Variants in KCNH8 observed in about 807,000 individuals in gnomAD.
KCNH8 encodes the protein potassium voltage-gated channel subfamily H member 8, also known as voltage-gated delayed rectifier potassium channel KCNH8.
Under a neutral mutation model 103.6 loss-of-function variants are expected in KCNH8, and 70 were observed. The ratio of observed to expected loss-of-function variants is 0.68; its 90% confidence interval spans 0.56 to 0.82. The LOEUF (loss-of-function observed/expected upper bound fraction) is 0.82, where lower values mean the gene tolerates loss of function less well. Among genes scored for constraint, KCNH8 ranks in the 40% least tolerant of loss-of-function variants. The pLI is 0.00. For missense variants in KCNH8, 1,217 were observed against 1,329.9 expected (o/e 0.92, Z 1.32); for synonymous variants, 498 against 489.4 (o/e 1.02, Z -0.23).
intron 7 of KCNH8, among the ~76,000 whole-genome samples, chr3:19,409,649 C>G (rs943384524): frequency 3.9e-5 from 6 of 152,042 alleles, no homozygotes; most frequent in African/African-American, 1.4e-4. Flanking sequence ...CACCCATAGG[C>G]TTACAGGGTT....
intron 3 of KCNH8, among the ~76,000 whole-genome samples, chr3:19,292,139 A>G (rs140552504): frequency 4.7e-4 from 71 of 152,294 alleles, no homozygotes; most frequent in Non-Finnish European, 8.7e-4. Context: ...ACAGAGCCCA[A>G]TGAAATTATT....
chr3:19,218,909 G>A (rs776051912), intron 1 of KCNH8, among the ~76,000 whole-genome samples: 19 of 152,068 alleles, frequency 1.2e-4, no homozygotes, highest in Non-Finnish European at 2.6e-4. Flanking sequence ...ATTGGATTAG[G>A]GGCCCACCTT....
At chr3:19,159,886 G>T (rs978064336) in intron 1 of KCNH8, among the ~76,000 whole-genome samples, 1 of 152,050 alleles carries the variant, frequency 6.6e-6, no homozygotes, top group Non-Finnish European at 1.5e-5. Flanking sequence ...AGTGGAGTCA[G>T]TTGGAAATAT....
At chr3:19,426,377 C>T (rs1249853250) in intron 7 of KCNH8, among the ~76,000 whole-genome samples, 2 of 151,866 alleles carry the variant, frequency 1.3e-5, no homozygotes, top group African/African-American at 4.8e-5. Context: ...ATAATGAAGA[C>T]ATTTTTCCAA....
At chr3:19,257,719 C>A (rs1441108690) in intron 2 of KCNH8, among the ~76,000 whole-genome samples, 1 of 151,980 alleles carries the variant, frequency 6.6e-6, no homozygotes, top group Non-Finnish European at 1.5e-5. Flanking sequence ...ATAATATTCC[C>A]AATTCTGCAA....
chr3:19,492,871 GTGTGTGTGTGTGTGA>G (rs2068356168), intron 11 of KCNH8, among the ~76,000 whole-genome samples: 1 of 139,174 alleles, frequency 7.2e-6, no homozygotes, highest in African/African-American at 2.7e-5. Context: ...GTGTGTGTGT[GTGTGTGTGTGTGTGA>G]TTTCTGACTT....
At chr3:19,412,144 A>G (rs1440911282) in intron 7 of KCNH8, among the ~76,000 whole-genome samples, 1 of 152,132 alleles carries the variant, frequency 6.6e-6, no homozygotes, top group Non-Finnish European at 1.5e-5. Flanking sequence ...TTCAAAGCAT[A>G]CTATAAGGCT....
intron 11 of KCNH8, among the ~76,000 whole-genome samples, chr3:19,506,750 T>C (rs2068701097): frequency 6.6e-6 from 1 of 152,028 alleles, no homozygotes; most frequent in Non-Finnish European, 1.5e-5. Context: ...CTCTGGGGGC[T>C]CCACTCCAGA....
At chr3:19,407,792 C>T (rs1226891212) in intron 7 of KCNH8, among the ~76,000 whole-genome samples, 6 of 152,128 alleles carry the variant, frequency 3.9e-5, no homozygotes, top group Non-Finnish European at 5.9e-5. Context: ...CTAGGAAGAT[C>T]TCCAGGTATC....
At chr3:19,295,874 A>G (rs1159827962) in intron 3 of KCNH8, among the ~76,000 whole-genome samples, 1 of 152,158 alleles carries the variant, frequency 6.6e-6, no homozygotes, top group African/African-American at 2.4e-5. Context: ...GGGAAACACT[A>G]AGTACCCTGA....
At chr3:19,148,890 C>A (rs2063101559) in intron 1 of KCNH8, 95 bp downstream of exon 1, 2 of 1,113,902 alleles carry the variant, frequency 1.8e-6, no homozygotes, top group Non-Finnish European at 2.8e-6. Context: ...TTTGCACCAG[C>A]GGAGTGAATT....
chr3:19,332,876 G>C (rs184057423), intron 3 of KCNH8, among the ~76,000 whole-genome samples: 1 of 151,950 alleles, frequency 6.6e-6, no homozygotes, highest in African/African-American at 2.4e-5. Context: ...CAAGTGATCC[G>C]CCCGCCTTGG....
chr3:19,271,701 T>C (rs765177874), intron 2 of KCNH8, among the ~76,000 whole-genome samples: 2 of 152,148 alleles, frequency 1.3e-5, no homozygotes, highest in Non-Finnish European at 2.9e-5. Flanking sequence ...ATATAACCAG[T>C]ATGCAGATGT....
Position 19,347,934 on chromosome 3 carries a change from T to G in KCNH8, c.780T>G (p.Ser260Arg). 6.2e-7 allele frequency: 1 copy of G among 1,613,180 alleles called. No homozygotes were observed. The highest frequency in any genetic ancestry group is 8.5e-7 in the Non-Finnish European group (1 of 1,179,364). ...DLSTTRSTTVSDIAVEILFII... is the reference protein window; with the variant it reads ...DLSTTRSTTVRDIAVEILFII... ...CCACAACTCGGAGCACAACCGTCAGTGACATTGCAGTGGAGATTCTTTTTA... is the reference window on the plus strand; with the variant it reads ...CCACAACTCGGAGCACAACCGTCAGGGACATTGCAGTGGAGATTCTTTTTA... The change falls in exon 5 of 16, where the codon AGT becomes AGG. Residue 260 changes from serine (S) to arginine (R), a missense_variant. This residue lies in a region of KCNH8 where 415 missense variants were observed against 577.4 expected (regional missense o/e 0.72). Transcript: ENST00000328405.
intron 3 of KCNH8, among the ~76,000 whole-genome samples, chr3:19,311,698 C>G (rs1400853899): frequency 6.6e-6 from 1 of 151,728 alleles, no homozygotes; most frequent in African/African-American, 2.4e-5. Context: ...CCAGGCCAAA[C>G]AGAGCTGTAC....
intron 15 of KCNH8, among the ~76,000 whole-genome samples, chr3:19,518,377 A>G (rs1217666190): frequency 1.3e-5 from 2 of 152,054 alleles, no homozygotes; most frequent in Non-Finnish European, 2.9e-5. Flanking sequence ...AGATATATGC[A>G]TATTTGGTTT....
chr3:19,395,325 T>A lies in KCNH8; in HGVS notation c.1177+14T>A. ...AGTGGGAAGTTGGTAAGGGCTTACA[T>A]TTGTCACATTTTCCATTTTTTAATT... On this transcript the variant is annotated intron_variant, in intron 7 of 15. Coordinates refer to ENST00000328405, the MANE Select transcript of KCNH8 (RefSeq NM_144633.3). 6.4e-7 allele frequency: 1 copy of A among 1,567,242 alleles called. No homozygotes were observed.
chr3:19,163,284 TTA>T (rs905378101), intron 1 of KCNH8, among the ~76,000 whole-genome samples: 29 of 149,620 alleles, frequency 1.9e-4, no homozygotes, highest in Non-Finnish European at 2.8e-4. Context: ...ATATATAAAA[TTA>T]TATATATATA....
intron 2 of KCNH8, among the ~76,000 whole-genome samples, chr3:19,276,758 T>G (rs2064679011): frequency 6.6e-6 from 1 of 152,128 alleles, no homozygotes. Flanking sequence ...TTATAAATAT[T>G]AGCAAAAATT....
Sources: gnomAD v4.1 joint callset for allele counts (sites outside exome capture counted in the v4.1 genomes callset) on GRCh38, gnomAD v4.1.1 for gene constraint, gnomAD v4.1.1 regional missense constraint, MANE v1.5 for transcripts, NCBI Gene and HGNC (gene_info 2026-07-23, HGNC 2026-07-21) for gene names.